KCNQ5: variants seen among roughly 807,000 people sequenced by gnomAD.
The protein encoded by KCNQ5 is potassium voltage-gated channel subfamily KQT member 5.
A neutral mutation model predicts 98.2 loss-of-function variants in KCNQ5; 30 were observed. That is an observed-to-expected ratio of 0.31 (90% CI 0.23 to 0.41). The LOEUF (loss-of-function observed/expected upper bound fraction) is 0.41, where lower values mean the gene tolerates loss of function less well. Ranked by LOEUF, KCNQ5 falls within the 10% of genes least tolerant of loss-of-function variation. The pLI, the probability that KCNQ5 is intolerant of heterozygous loss-of-function variation, is 1.00. For missense variants in KCNQ5, 835 were observed against 1,182.5 expected (o/e 0.71, Z 4.31); for synonymous variants, 458 against 449.4 (o/e 1.02, Z -0.24).
intron 9 of KCNQ5, among the ~76,000 whole-genome samples, chr6:73,130,196 C>T (rs1776171412): frequency 6.6e-6 from 1 of 152,204 alleles, no homozygotes; most frequent in African/African-American, 2.4e-5. Flanking sequence ...ATGCTTATCC[C>T]ATGAAGGGCT....
intron 10 of KCNQ5, among the ~76,000 whole-genome samples, chr6:73,156,813 G>A (rs1034654861): frequency 3.9e-5 from 6 of 152,272 alleles, no homozygotes; most frequent in African/African-American, 1.4e-4. Flanking sequence ...GCGGCAGGCA[G>A]AGTGACTGTG....
At chr6:72,779,825 G>C (rs1453946207) in intron 1 of KCNQ5, among the ~76,000 whole-genome samples, 2 of 2,564 alleles carry the variant, frequency 7.8e-4, no homozygotes, top group African/African-American at 0.016. Context: ...AATTTTCTGT[G>C]TGTGTGTGTG....
At chr6:73,069,832 A>G (rs766490967) in intron 3 of KCNQ5, among the ~76,000 whole-genome samples, 94 of 152,306 alleles carry the variant, frequency 6.2e-4, no homozygotes, top group Non-Finnish European at 1.2e-3. Flanking sequence ...CCTTTTTTAA[A>G]TCACAGAGGT....
intron 1 of KCNQ5, among the ~76,000 whole-genome samples, chr6:72,734,150 G>A (rs575583399): frequency 6.6e-6 from 1 of 152,314 alleles, no homozygotes; most frequent in East Asian, 1.9e-4. Flanking sequence ...TAAAGTCAAA[G>A]TGAGAAGCGA....
At chr6:73,037,624 C>T (rs547928034) in intron 2 of KCNQ5, among the ~76,000 whole-genome samples, 3 of 152,230 alleles carry the variant, frequency 2.0e-5, no homozygotes, top group Non-Finnish European at 4.4e-5. Flanking sequence ...CCTTCTTCCT[C>T]CATTGAAATG....
chr6:72,778,357 C>G (rs903960973), intron 1 of KCNQ5, among the ~76,000 whole-genome samples: 1 of 151,874 alleles, frequency 6.6e-6, no homozygotes, highest in African/African-American at 2.4e-5. Flanking sequence ...GGTAACCTGA[C>G]AAAACCCCAT....
At chr6:72,842,533 G>A (rs1776840573) in intron 1 of KCNQ5, among the ~76,000 whole-genome samples, 1 of 151,976 alleles carries the variant, frequency 6.6e-6, no homozygotes, top group African/African-American at 2.4e-5. Context: ...GGCATAACTG[G>A]GATTATAATT....
chr6:72,977,865 T>C (rs911678411), intron 1 of KCNQ5, among the ~76,000 whole-genome samples: 2 of 152,218 alleles, frequency 1.3e-5, no homozygotes, highest in African/African-American at 4.8e-5. Context: ...GTGATTCTTG[T>C]CTATTTATTC....
At chr6:72,951,185 T>C (rs536423648) in intron 1 of KCNQ5, among the ~76,000 whole-genome samples, 12 of 152,224 alleles carry the variant, frequency 7.9e-5, no homozygotes, top group Admixed American at 6.5e-4. Flanking sequence ...TCTTCTCAGA[T>C]CCTCTCTTCC....
intron 3 of KCNQ5, 91 bp from the exon 4 acceptor site, chr6:73,077,231 T>C: frequency 3.1e-6 from 4 of 1,275,392 alleles, no homozygotes; most frequent in Admixed American, 3.8e-5. Context: ...GTACCTTAAA[T>C]AGGTCAAAGT....
At chr6:72,878,060 C>T (rs1054598242) in intron 1 of KCNQ5, among the ~76,000 whole-genome samples, 2 of 152,166 alleles carry the variant, frequency 1.3e-5, no homozygotes, top group Admixed American at 6.5e-5. Context: ...GACTTGAGGT[C>T]GGGAGTTCCA....
intron 1 of KCNQ5, among the ~76,000 whole-genome samples, chr6:72,962,283 G>T (rs116477371): frequency 7.0e-6 from 1 of 143,266 alleles, no homozygotes; most frequent in South Asian, 2.2e-4. Flanking sequence ...ATATATATAT[G>T]GGAGCTAAGC....
chr6:72,894,954 G>T (rs192831735), intron 1 of KCNQ5, among the ~76,000 whole-genome samples: 8 of 151,972 alleles, frequency 5.3e-5, no homozygotes, highest in Non-Finnish European at 5.9e-5. Context: ...CCATGAGCAC[G>T]TGTGCACACA....
At chr6:72,684,137 C>G (rs558538206) in intron 1 of KCNQ5, among the ~76,000 whole-genome samples, 7 of 152,306 alleles carry the variant, frequency 4.6e-5, no homozygotes, top group African/African-American at 1.7e-4. Flanking sequence ...AAACAAAAAG[C>G]CCGACATGAT....
intron 1 of KCNQ5, among the ~76,000 whole-genome samples, chr6:72,628,339 T>C (rs981804375): frequency 4.6e-5 from 7 of 152,302 alleles, no homozygotes; most frequent in African/African-American, 1.7e-4. Context: ...ATTAATTCTG[T>C]AAGTCATTTC....
chr6:72,645,372 C>A, intron 1 of KCNQ5, among the ~76,000 whole-genome samples: 1 of 131,086 alleles, frequency 7.6e-6, no homozygotes, highest in African/African-American at 3.3e-5. Flanking sequence ...GGTGATACAG[C>A]AAGACCTTGT....
intron 1 of KCNQ5, among the ~76,000 whole-genome samples, chr6:72,830,827 T>C (rs185080684): frequency 2.6e-5 from 4 of 152,132 alleles, no homozygotes; most frequent in East Asian, 3.9e-4. Flanking sequence ...ATTTTTGCAA[T>C]CTACTCATCT....
chr6:72,724,588 C>T (rs1770162675), intron 1 of KCNQ5, among the ~76,000 whole-genome samples: 1 of 152,192 alleles, frequency 6.6e-6, no homozygotes, highest in Non-Finnish European at 1.5e-5. Context: ...AACTTACACA[C>T]ACACACCACA....
chr6:73,069,600 A>G (rs1477388549), intron 3 of KCNQ5, among the ~76,000 whole-genome samples: 2 of 152,080 alleles, frequency 1.3e-5, no homozygotes, highest in Non-Finnish European at 2.9e-5. Flanking sequence ...TAAACAGACT[A>G]CTAGTATAAT....
Sources: gnomAD v4.1 joint callset for allele counts (sites outside exome capture counted in the v4.1 genomes callset) on GRCh38, gnomAD v4.1.1 for gene constraint, MANE v1.5 for transcripts, NCBI Gene and HGNC (gene_info 2026-07-23, HGNC 2026-07-21) for gene names.